The following GRM5 variants were observed in gnomAD, a reference collection of about 807,000 sequenced individuals.
The protein encoded by GRM5 is glutamate metabotropic receptor 5.
GRM5 carries 19 observed loss-of-function variants against 83.1 expected under a neutral mutation model. The ratio of observed to expected loss-of-function variants is 0.23; its 90% CI spans 0.16 to 0.34. The LOEUF is 0.34. GRM5 is among the 10% of genes least tolerant of loss of function. The pLI, the probability that GRM5 is intolerant of heterozygous loss-of-function variation, is 1.00. For missense variants in GRM5, 1,160 were observed against 1,588.3 expected, an observed-to-expected ratio of 0.73 and a Z score of 4.58; for synonymous variants, 675 against 633.6, an observed-to-expected ratio of 1.07 and a Z score of -0.98.
intron 4 of GRM5, among the ~76,000 whole-genome samples, chr11:88,624,460 T>C (rs761672406): frequency 1.3e-5 from 2 of 152,178 alleles, no homozygotes; most frequent in Non-Finnish European, 2.9e-5. Context: ...ATGTATGTAC[T>C]CCAAAGAGAA....
Position 88,870,489 on chromosome 11 carries a change from G to A in GRM5, c.662-20334C>T, listed in dbSNP as rs1002854122. Among the ~76,000 whole-genome samples the A allele has an allele frequency of 2.6e-5, 4 of 151,324 alleles. No individual in the cohort carries two copies. In the Admixed American group the frequency reaches 2.6e-4, roughly 10 times the overall value. ...TCACAGACAACAGAAAGCAAAGAAA[G>A]AGTTAATCATAAAGCCACTTCTACA... is the stretch of plus-strand genomic sequence containing the variant. On this transcript the variant is annotated intron_variant, in intron 2 of 9. Transcript: ENST00000305447.
intron 3 of GRM5, among the ~76,000 whole-genome samples, chr11:88,830,015 A>G (rs573479002): frequency 2.5e-4 from 38 of 152,214 alleles, no homozygotes; most frequent in African/African-American, 9.2e-4. Context: ...AGACAGGAAG[A>G]AGGGAGAGGA....
intron 7 of GRM5, among the ~76,000 whole-genome samples, chr11:88,590,301 T>C (rs935795074): frequency 6.6e-6 from 1 of 152,168 alleles, no homozygotes. Flanking sequence ...CACACATAAC[T>C]GGGACCCTAT....
At position 88,978,488 on chromosome 11, in the gene GRM5, A is replaced by C. The variant is rs11021693; in HGVS notation, c.661+68724T>G. Among the ~76,000 whole-genome samples the C allele has an allele frequency of 1.4e-3, 27 of 19,616 alleles. 2 individuals are homozygous for C. The highest frequency in any genetic ancestry group is 9.5e-3 in the African/African-American group (25 of 2,632). 12.9% of individuals were successfully genotyped at this position (19,616 alleles called of 152,430 possible). A position where few individuals can be genotyped will look rare whatever the true frequency, so the allele number is the denominator to read the frequency against. On this transcript the variant is annotated intron_variant, in intron 2 of 9. Transcript: ENST00000305447. ...GCAGATGAGCTTAAAAAAAAAAAAAAAAAAAAAAAAAAAAAAAAAAAAAAA... is the reference window on the plus strand; with the variant it reads ...GCAGATGAGCTTAAAAAAAAAAAAACAAAAAAAAAAAAAAAAAAAAAAAAA...
chr11:88,546,225 C>A (rs1353454857), intron 8 of GRM5, among the ~76,000 whole-genome samples: 2 of 151,906 alleles, frequency 1.3e-5, no homozygotes, highest in Non-Finnish European at 2.9e-5. Context: ...CACTGTAATA[C>A]CTCATCTTGC....
chr11:88,602,563 G>A (rs981845817), intron 5 of GRM5, among the ~76,000 whole-genome samples: 1 of 152,176 alleles, frequency 6.6e-6, no homozygotes, highest in Non-Finnish European at 1.5e-5. Flanking sequence ...TGATCTGGCA[G>A]AATGCTTTTG....
At chr11:88,606,176 AAG>A (rs1938137589) in intron 4 of GRM5, among the ~76,000 whole-genome samples, 1 of 152,212 alleles carries the variant, frequency 6.6e-6, no homozygotes, top group African/African-American at 2.4e-5. Flanking sequence ...GGTAGGAGAA[AAG>A]AGAGAGCTGA....
intron 2 of GRM5, among the ~76,000 whole-genome samples, chr11:88,931,175 T>C (rs1275192543): frequency 1.3e-5 from 2 of 151,898 alleles, no homozygotes; most frequent in Non-Finnish European, 2.9e-5. Context: ...GTGTCATTTT[T>C]AGTGATTCTC....
chr11:88,756,431 G>A (rs1029200377), intron 3 of GRM5, among the ~76,000 whole-genome samples: 12 of 152,096 alleles, frequency 7.9e-5, no homozygotes, highest in African/African-American at 2.6e-4. Context: ...GAGTTCACTA[G>A]GCAGTTATTC....
chr11:88,787,417 C>T (rs909828997), intron 3 of GRM5, among the ~76,000 whole-genome samples: 1 of 151,916 alleles, frequency 6.6e-6, no homozygotes, highest in Non-Finnish European at 1.5e-5. Context: ...GGAGGCCACA[C>T]CATACAAGGT....
chr11:88,897,394 G>T (rs1298176330), intron 2 of GRM5, among the ~76,000 whole-genome samples: 1 of 151,968 alleles, frequency 6.6e-6, no homozygotes, highest in Non-Finnish European at 1.5e-5. Context: ...AATTCATAAT[G>T]AAACGTTTTT....
chr11:88,964,211 T>C (rs1316182886), intron 2 of GRM5, among the ~76,000 whole-genome samples: 3 of 152,148 alleles, frequency 2.0e-5, no homozygotes, highest in Non-Finnish European at 4.4e-5. Context: ...CCAAGTGTTT[T>C]TAATTAAAAA....
intron 2 of GRM5, among the ~76,000 whole-genome samples, chr11:88,867,891 A>T (rs896017789): frequency 9.2e-5 from 14 of 152,018 alleles, no homozygotes; most frequent in African/African-American, 3.4e-4. Flanking sequence ...TAGTATCTCA[A>T]GCTAACTAAT....
intron 2 of GRM5, among the ~76,000 whole-genome samples, chr11:88,864,973 G>A (rs1462650389): frequency 6.6e-6 from 1 of 151,886 alleles, no homozygotes; most frequent in African/African-American, 2.4e-5. Flanking sequence ...TACATTTATT[G>A]ATTTGCATAT....
At chr11:88,785,623 AT>A (rs1328843959) in intron 3 of GRM5, among the ~76,000 whole-genome samples, 1 of 152,110 alleles carries the variant, frequency 6.6e-6, no homozygotes, top group African/African-American at 2.4e-5. Flanking sequence ...GAGACACAAC[AT>A]CATGCAGTCA....
At chr11:88,697,946 T>C (rs889754379) in intron 3 of GRM5, among the ~76,000 whole-genome samples, 18 of 152,234 alleles carry the variant, frequency 1.2e-4, no homozygotes, top group African/African-American at 4.3e-4. Context: ...CAGTATCAAG[T>C]GCTGTCAACT....
chr11:88,690,124 T>C (rs1442431364), intron 3 of GRM5, among the ~76,000 whole-genome samples: 3 of 152,176 alleles, frequency 2.0e-5, no homozygotes, highest in African/African-American at 7.2e-5. Flanking sequence ...TCTTATCTGG[T>C]AGTAAATTTT....
rs188794039 is a variant in GRM5 at position 88,893,819 on chromosome 11, C to T, written c.662-43664G>A. On this transcript the variant is annotated intron_variant, in intron 2 of 9. Transcript: ENST00000305447. The stretch of plus-strand genomic sequence containing the variant: ...TCAGCAGGAAGTAGCCAGAAAGAGT[C>T]ATCATCCAACACCCCTTAACAGCAG... 2.4e-3 allele frequency among the ~76,000 whole-genome samples: 369 copies of T among 152,080 alleles called. 2 individuals are homozygous for T. Among genetic ancestry groups the T allele is most frequent in the African/African-American group, 8.6e-3 (357 of 41,526 alleles).
intron 3 of GRM5, among the ~76,000 whole-genome samples, chr11:88,687,923 C>T (rs939420748): frequency 8.6e-5 from 13 of 152,010 alleles, no homozygotes; most frequent in Non-Finnish European, 1.8e-4. Context: ...TGCAATCTTC[C>T]TTCCGCCCTA....
Sources: gnomAD v4.1 joint callset for allele counts (sites outside exome capture counted in the v4.1 genomes callset) on GRCh38, gnomAD v4.1.1 for gene constraint, MANE v1.5 for transcripts, NCBI Gene and HGNC (gene_info 2026-07-23, HGNC 2026-07-21) for gene names.